Variants in NTRK3 observed in about 807,000 individuals in gnomAD.
NTRK3 encodes neurotrophic receptor tyrosine kinase 3, also known as NT-3 growth factor receptor.
In NTRK3, 24 loss-of-function variants were observed where a neutral mutation model predicts 91.7. That is an observed-to-expected ratio of 0.26 (90% confidence interval 0.19 to 0.37). The LOEUF is 0.37. Among genes scored for constraint, NTRK3 ranks in the 10% least tolerant of loss-of-function variants. The pLI, the probability that NTRK3 is intolerant of heterozygous loss-of-function variation, is 1.00. For missense variants in NTRK3, 880 were observed against 1,068.9 expected (o/e 0.82, Z 2.46); for synonymous variants, 483 against 404.0 (o/e 1.20, Z -2.34).
intron 13 of NTRK3, among the ~76,000 whole-genome samples, chr15:88,039,247 G>T (rs774075360): frequency 6.6e-6 from 1 of 151,648 alleles, no homozygotes; most frequent in African/African-American, 2.4e-5. Context: ...CAATTACTTT[G>T]TTATGCAACA....
intron 5 of NTRK3, among the ~76,000 whole-genome samples, chr15:88,173,594 T>A (rs1006345949): frequency 3.3e-5 from 5 of 152,228 alleles, no homozygotes; most frequent in African/African-American, 1.2e-4. Flanking sequence ...CATTGCCCAT[T>A]CACCCAGACC....
chr15:87,910,354 A>G (rs950046781), intron 17 of NTRK3, among the ~76,000 whole-genome samples: 1 of 152,190 alleles, frequency 6.6e-6, no homozygotes, highest in Non-Finnish European at 1.5e-5. Flanking sequence ...AAGGAAAGAC[A>G]TAGCAGGCTG....
chr15:88,225,113 G>A (rs1026640071), intron 3 of NTRK3, among the ~76,000 whole-genome samples: 1 of 152,146 alleles, frequency 6.6e-6, no homozygotes, highest in Non-Finnish European at 1.5e-5. Flanking sequence ...GGTGGGTAGC[G>A]GAGTGTACCC....
At chr15:88,076,274 T>A (rs1336268850) in intron 13 of NTRK3, among the ~76,000 whole-genome samples, 1 of 152,136 alleles carries the variant, frequency 6.6e-6, no homozygotes, top group Admixed American at 6.5e-5. Context: ...TTATTCACTA[T>A]CATAAGACCA....
chr15:87,914,117 G>A (rs988133073), intron 17 of NTRK3, among the ~76,000 whole-genome samples: 1 of 152,174 alleles, frequency 6.6e-6, no homozygotes, highest in African/African-American at 2.4e-5. Context: ...TAACATCCTT[G>A]CCCTGATTTC....
intron 14 of NTRK3, among the ~76,000 whole-genome samples, chr15:88,005,560 C>T (rs1005104986): frequency 5.3e-5 from 8 of 152,170 alleles, no homozygotes; most frequent in African/African-American, 1.9e-4. Flanking sequence ...TGATAACTGC[C>T]TTGACTTGTC....
intron 3 of NTRK3, among the ~76,000 whole-genome samples, chr15:88,208,875 G>T (rs1465749104): frequency 1.8e-5 from 1 of 56,430 alleles, no homozygotes; most frequent in East Asian, 8.1e-4. Flanking sequence ...TTTTTTAAAG[G>T]TTCCTTAGGG....
intron 14 of NTRK3, among the ~76,000 whole-genome samples, chr15:88,027,302 CAT>C (rs1022349486): frequency 3.3e-5 from 5 of 152,176 alleles, no homozygotes; most frequent in African/African-American, 1.2e-4. Flanking sequence ...AGAAAAAAAA[CAT>C]AAAACACCAG....
At chr15:88,219,359 C>T (rs758807106) in intron 3 of NTRK3, among the ~76,000 whole-genome samples, 7 of 152,236 alleles carry the variant, frequency 4.6e-5, no homozygotes, top group Non-Finnish European at 8.8e-5. Context: ...AACCCACAGA[C>T]GGGGGCCAAG....
At chr15:87,948,271 C>G (rs1304393271) in intron 14 of NTRK3, among the ~76,000 whole-genome samples, 1 of 152,074 alleles carries the variant, frequency 6.6e-6, no homozygotes, top group Non-Finnish European at 1.5e-5. Context: ...GATTTATAGA[C>G]TAGGAGAAAA....
At chr15:88,028,561 G>A (rs985805744) in intron 14 of NTRK3, among the ~76,000 whole-genome samples, 1 of 152,116 alleles carries the variant, frequency 6.6e-6, no homozygotes, top group Non-Finnish European at 1.5e-5. Flanking sequence ...TACCTCAAGG[G>A]GGAGAAGAGA....
chr15:88,249,695 G>T (rs2053171268), intron 3 of NTRK3, among the ~76,000 whole-genome samples: 1 of 152,150 alleles, frequency 6.6e-6, no homozygotes, highest in African/African-American at 2.4e-5. Flanking sequence ...GAGCTTTGGT[G>T]TTAGCCTCAC....
intron 14 of NTRK3, among the ~76,000 whole-genome samples, chr15:88,006,187 A>G (rs1217587530): frequency 2.6e-5 from 4 of 152,340 alleles, no homozygotes; most frequent in African/African-American, 9.6e-5. Flanking sequence ...TATTTCAGTC[A>G]TCCCCAAAAA....
intron 3 of NTRK3, among the ~76,000 whole-genome samples, chr15:88,227,825 G>T (rs757265128): frequency 2.0e-5 from 3 of 151,862 alleles, no homozygotes; most frequent in Non-Finnish European, 4.4e-5. Flanking sequence ...CCTAGAAGCT[G>T]CATGCCCCTC....
intron 13 of NTRK3, among the ~76,000 whole-genome samples, chr15:88,066,923 C>T (rs2046698336): frequency 6.6e-6 from 1 of 152,188 alleles, no homozygotes; most frequent in Non-Finnish European, 1.5e-5. Context: ...CTCCTCTTTC[C>T]AAGTAGTTCC....
At chr15:87,981,925 A>G (rs2074314453) in intron 14 of NTRK3, among the ~76,000 whole-genome samples, 1 of 152,204 alleles carries the variant, frequency 6.6e-6, no homozygotes, top group South Asian at 2.1e-4. Context: ...GGCATAAACC[A>G]TTGGAAAAAC....
intron 17 of NTRK3, 121 bp from the exon 19 acceptor site, chr15:87,880,549 T>C (rs955008318): frequency 3.0e-5 from 34 of 1,131,990 alleles, no homozygotes; most frequent in Middle Eastern, 2.7e-4. Context: ...TAGTCACAGC[T>C]TTATGCAACT....
chr15:87,900,917 G>A (rs901996747), intron 17 of NTRK3, among the ~76,000 whole-genome samples: 7 of 152,154 alleles, frequency 4.6e-5, no homozygotes, highest in Non-Finnish European at 1.0e-4. Flanking sequence ...GGATGATTTG[G>A]TCAAGTAGAG....
chr15:87,971,641 G>A (rs553304214), intron 14 of NTRK3, among the ~76,000 whole-genome samples: 48 of 152,290 alleles, frequency 3.2e-4, no homozygotes, highest in African/African-American at 9.6e-4. Flanking sequence ...GGTCCCCTGC[G>A]TCACAGAGGC....
Sources: gnomAD v4.1 joint callset for allele counts (sites outside exome capture counted in the v4.1 genomes callset) on GRCh38, gnomAD v4.1.1 for gene constraint, MANE v1.5 for transcripts, NCBI Gene and HGNC (gene_info 2026-07-23, HGNC 2026-07-21) for gene names.